The following PDE4D variants were observed in gnomAD, a reference collection of about 807,000 sequenced individuals.
PDE4D encodes the protein 3',5'-cyclic-AMP phosphodiesterase 4D.
PDE4D carries 24 observed loss-of-function variants against 87.4 expected under a neutral mutation model. The ratio of observed to expected loss-of-function variants is 0.27; its 90% CI spans 0.20 to 0.39. The LOEUF (loss-of-function observed/expected upper bound fraction) is 0.39, where lower values mean the gene tolerates loss of function less well. PDE4D is among the 10% of genes least tolerant of loss of function. The pLI is 1.00. For missense variants in PDE4D, 714 were observed against 1,041.0 expected, an observed-to-expected ratio of 0.69 and a Z score of 4.32; for synonymous variants, 384 against 383.2, an observed-to-expected ratio of 1.00 and a Z score of -0.02.
chr5:59,531,895 GC>G (rs1814299214), intron 1 of PDE4D, among the ~76,000 whole-genome samples: 1 of 152,182 alleles, frequency 6.6e-6, no homozygotes, highest in Admixed American at 6.5e-5. Context: ...AGGCAGTGGA[GC>G]TCTTTGCAGG....
At chr5:60,517,032 A>C (rs1233565795) in intron 1 of PDE4D, among the ~76,000 whole-genome samples, 1 of 152,124 alleles carries the variant, frequency 6.6e-6, no homozygotes, top group Non-Finnish European at 1.5e-5. Context: ...CTACCCCCAC[A>C]GGCTCAGAAA....
intron 1 of PDE4D, among the ~76,000 whole-genome samples, chr5:59,313,300 T>C (rs138136780): frequency 5.4e-4 from 82 of 152,288 alleles, no homozygotes; most frequent in African/African-American, 1.8e-3. Flanking sequence ...TTTATTTATA[T>C]TGCTTATGGG....
At chr5:59,784,063 A>T (rs991747425) in intron 1 of PDE4D, among the ~76,000 whole-genome samples, 7 of 152,052 alleles carry the variant, frequency 4.6e-5, no homozygotes, top group African/African-American at 1.7e-4. Flanking sequence ...TCTCAAAAAT[A>T]AAAAAATAAA....
At chr5:60,118,128 T>G (rs967682676) in intron 2 of PDE4D, among the ~76,000 whole-genome samples, 4 of 152,332 alleles carry the variant, frequency 2.6e-5, no homozygotes, top group South Asian at 2.1e-4. Flanking sequence ...CTCTGTTGAC[T>G]GTCTTTTCTC....
chr5:59,650,615 G>C (rs1743290492), intron 1 of PDE4D, among the ~76,000 whole-genome samples: 1 of 151,982 alleles, frequency 6.6e-6, no homozygotes, highest in Non-Finnish European at 1.5e-5. Flanking sequence ...ACACTTCCAA[G>C]TCTTATTAAA....
At chr5:59,940,350 G>C (rs559277705) in intron 3 of PDE4D, among the ~76,000 whole-genome samples, 2 of 152,226 alleles carry the variant, frequency 1.3e-5, no homozygotes, top group Middle Eastern at 6.8e-3. Flanking sequence ...TTGGATACCA[G>C]TTAGGAGGGT....
chr5:59,523,316 A>G (rs1371011413), intron 1 of PDE4D, among the ~76,000 whole-genome samples: 1 of 152,230 alleles, frequency 6.6e-6, no homozygotes, highest in Admixed American at 6.5e-5. Context: ...ATCTAACACA[A>G]TTGTCAAATA....
At chr5:59,641,641 A>G (rs548687546) in intron 1 of PDE4D, among the ~76,000 whole-genome samples, 2 of 152,360 alleles carry the variant, frequency 1.3e-5, no homozygotes, top group African/African-American at 4.8e-5. Context: ...AAAACCAGGC[A>G]AAGTCCATAG....
intron 2 of PDE4D, among the ~76,000 whole-genome samples, chr5:60,017,008 G>A (rs1287009668): frequency 1.3e-5 from 2 of 152,156 alleles, no homozygotes; most frequent in Non-Finnish European, 2.9e-5. Flanking sequence ...AGTATGACTT[G>A]AAAGTCAAAA....
intron 1 of PDE4D, among the ~76,000 whole-genome samples, chr5:60,466,246 T>C (rs1387504364): frequency 6.6e-6 from 1 of 152,210 alleles, no homozygotes; most frequent in Non-Finnish European, 1.5e-5. Context: ...CTTACCCTCC[T>C]GAAACAGCCA....
chr5:60,384,585 T>A (rs139005531), intron 1 of PDE4D, among the ~76,000 whole-genome samples: 1 of 152,144 alleles, frequency 6.6e-6, no homozygotes, highest in Non-Finnish European at 1.5e-5. Context: ...ACGACATCAC[T>A]CCCCTGGCCC....
intron 2 of PDE4D, among the ~76,000 whole-genome samples, chr5:60,015,510 C>CT (rs1765420147): frequency 6.6e-6 from 1 of 152,158 alleles, no homozygotes; most frequent in Non-Finnish European, 1.5e-5. Context: ...TAAAGAAGCC[C>CT]AAGCTTCTTT....
At chr5:59,937,270 A>G (rs995518548) in intron 3 of PDE4D, among the ~76,000 whole-genome samples, 1 of 152,230 alleles carries the variant, frequency 6.6e-6, no homozygotes, top group African/African-American at 2.4e-5. Context: ...AATTAGAGAT[A>G]GACATAAAAT....
chr5:60,335,755 G>A (rs1226374203), intron 1 of PDE4D, among the ~76,000 whole-genome samples: 1 of 152,160 alleles, frequency 6.6e-6, no homozygotes. Context: ...ACGAGTGGAT[G>A]AAATCATTGG....
chr5:59,205,882 A>G (rs1325118280), intron 2 of PDE4D, among the ~76,000 whole-genome samples: 1 of 152,178 alleles, frequency 6.6e-6, no homozygotes, highest in Non-Finnish European at 1.5e-5. Flanking sequence ...CATGACATTT[A>G]TTGGGAGACA....
intron 1 of PDE4D, among the ~76,000 whole-genome samples, chr5:59,508,284 A>T (rs1809638576): frequency 1.3e-5 from 2 of 152,148 alleles, no homozygotes; most frequent in Admixed American, 1.3e-4. Context: ...GCAGAACAAG[A>T]CTTGTCTTGG....
intron 1 of PDE4D, among the ~76,000 whole-genome samples, chr5:60,263,378 C>A (rs1749852178): frequency 6.6e-6 from 1 of 152,204 alleles, no homozygotes; most frequent in Non-Finnish European, 1.5e-5. Context: ...CATGTAAATT[C>A]TAATCCATTG....
chr5:59,278,503 G>C (rs1765241063), intron 1 of PDE4D, among the ~76,000 whole-genome samples: 2 of 151,980 alleles, frequency 1.3e-5, no homozygotes, highest in African/African-American at 4.8e-5. Flanking sequence ...TACCATAGAT[G>C]TATACATCCA....
intron 1 of PDE4D, among the ~76,000 whole-genome samples, chr5:59,443,183 C>A (rs1797887533): frequency 6.6e-6 from 1 of 152,110 alleles, no homozygotes; most frequent in East Asian, 1.9e-4. Flanking sequence ...AATGTAAAAT[C>A]AATGCTCGCA....
Sources: allele counts gnomAD v4.1 joint callset (sites outside exome capture counted in the v4.1 genomes callset), GRCh38; gene constraint gnomAD v4.1.1; transcripts MANE v1.5; gene names NCBI Gene and HGNC (gene_info 2026-07-23, HGNC 2026-07-21).